NXPE2: variants seen among roughly 807,000 people sequenced by gnomAD.
NXPE2 encodes the protein NXPE family member 2.
A neutral mutation model predicts 34.4 loss-of-function variants in NXPE2; 34 were observed. The observed-to-expected ratio is 0.99, with a 90% CI of 0.75 to 1.31. The LOEUF (loss-of-function observed/expected upper bound fraction) is 1.31. Ranked by LOEUF, NXPE2 falls within the 40% of genes most tolerant of loss-of-function variation. NXPE2 has a pLI of 0.00. For synonymous variants in NXPE2, 235 were observed against 231.3 expected (o/e 1.02, Z -0.15); for missense variants, 649 against 672.5 (o/e 0.97, Z 0.39).
At chr11:114,775,670 T>C in the NXPE2 span, among the ~76,000 whole-genome samples, 1 of 152,112 alleles carries the variant, frequency 6.6e-6, no homozygotes, top group Non-Finnish European at 1.5e-5. Context: ...TCCCTTCCTG[T>C]GGGGGTTTTC....
At chr11:114,471,112 A>C in the NXPE2 span, among the ~76,000 whole-genome samples, 1 of 152,172 alleles carries the variant, frequency 6.6e-6, no homozygotes, top group South Asian at 2.1e-4. Flanking sequence ...AACAGTGCCT[A>C]TCTAAGAGAA....
At chr11:114,796,206 A>T in the NXPE2 span, among the ~76,000 whole-genome samples, 1 of 152,160 alleles carries the variant, frequency 6.6e-6, no homozygotes, top group Non-Finnish European at 1.5e-5. Context: ...GATTCAGGGT[A>T]TACATGTAGA....
the NXPE2 span, among the ~76,000 whole-genome samples, chr11:114,807,190 A>T: frequency 6.7e-6 from 1 of 150,232 alleles, no homozygotes; most frequent in Admixed American, 6.6e-5. Flanking sequence ...TCCTGAAGGA[A>T]GCACTAAACA....
the NXPE2 span, among the ~76,000 whole-genome samples, chr11:114,607,491 A>C: frequency 6.6e-6 from 1 of 151,752 alleles, no homozygotes; most frequent in Non-Finnish European, 1.5e-5. Flanking sequence ...GAACACCATT[A>C]CCGGCTGGAT....
At chr11:114,535,173 A>G in the NXPE2 span, among the ~76,000 whole-genome samples, 3 of 152,146 alleles carry the variant, frequency 2.0e-5, no homozygotes, top group Admixed American at 6.5e-5. Flanking sequence ...TTCATATCCA[A>G]CCAAACTAAG....
chr11:114,684,698 T>G (rs891518318), intron 2 of NXPE2, among the ~76,000 whole-genome samples: 1 of 151,934 alleles, frequency 6.6e-6, no homozygotes, highest in Non-Finnish European at 1.5e-5. Context: ...AAAGGGGGAA[T>G]CAGAGGCTCC....
At chr11:114,761,668 G>T in the NXPE2 span, among the ~76,000 whole-genome samples, 4 of 149,270 alleles carry the variant, frequency 2.7e-5, no homozygotes, top group East Asian at 6.0e-4. Flanking sequence ...CCGCCTCCCG[G>T]GTTCACGCCA....
the NXPE2 span, among the ~76,000 whole-genome samples, chr11:114,623,040 G>A: frequency 6.6e-6 from 1 of 152,106 alleles, no homozygotes; most frequent in Non-Finnish European, 1.5e-5. Flanking sequence ...CTGTTACCCG[G>A]TGGATAATAA....
chr11:114,522,265 A>G, the NXPE2 span: 1 of 1,614,062 alleles, frequency 6.2e-7, no homozygotes, highest in Non-Finnish European at 8.5e-7. Flanking sequence ...TGCGAATAAA[A>G]ATGTCAATGG....
At chr11:114,730,117 A>C in the NXPE2 span, among the ~76,000 whole-genome samples, 1 of 152,202 alleles carries the variant, frequency 6.6e-6, no homozygotes, top group Admixed American at 6.5e-5. Flanking sequence ...ATTCTTCTGC[A>C]TATGGCTAGC....
chr11:114,493,694 T>A, the NXPE2 span, among the ~76,000 whole-genome samples: 1 of 152,160 alleles, frequency 6.6e-6, no homozygotes, highest in Non-Finnish European at 1.5e-5. Context: ...GTAGTTATTA[T>A]TTTTTATTTG....
At chr11:114,740,417 TGTTCTTCGACATGCAAGTGCAA>T in the NXPE2 span, among the ~76,000 whole-genome samples, 3 of 152,326 alleles carry the variant, frequency 2.0e-5, no homozygotes, top group Non-Finnish European at 4.4e-5. Context: ...GGCAAGTGCA[TGTTCTTCGACATGCAAGTGCAA>T]GTTCTTCGAC....
the NXPE2 span, among the ~76,000 whole-genome samples, chr11:114,604,252 T>G: frequency 2.6e-5 from 4 of 151,812 alleles, no homozygotes; most frequent in African/African-American, 9.7e-5. Context: ...GTGTTGACTC[T>G]TGGGTAACCA....
the NXPE2 span, among the ~76,000 whole-genome samples, chr11:114,661,240 T>A: frequency 2.0e-5 from 3 of 152,160 alleles, no homozygotes; most frequent in Non-Finnish European, 4.4e-5. Context: ...TTTATTTAAA[T>A]CAACAACTTG....
chr11:114,766,300 T>A, the NXPE2 span, among the ~76,000 whole-genome samples: 5 of 152,076 alleles, frequency 3.3e-5, no homozygotes, highest in Admixed American at 1.3e-4. Flanking sequence ...CTGCTATAAA[T>A]CAAAACTTCT....
At chr11:114,658,040 C>T in the NXPE2 span, among the ~76,000 whole-genome samples, 1 of 152,172 alleles carries the variant, frequency 6.6e-6, no homozygotes, top group Non-Finnish European at 1.5e-5. Flanking sequence ...GTCTTCCTAA[C>T]ATAATTTTGT....
chr11:114,495,288 T>A, the NXPE2 span, among the ~76,000 whole-genome samples: 1 of 152,032 alleles, frequency 6.6e-6, no homozygotes, highest in Non-Finnish European at 1.5e-5. Context: ...CAGGCTTACG[T>A]CCTTCCTCAC....
the NXPE2 span, among the ~76,000 whole-genome samples, chr11:114,732,951 A>G: frequency 2.0e-5 from 3 of 152,060 alleles, no homozygotes; most frequent in Non-Finnish European, 4.4e-5. Context: ...AATTCACATG[A>G]TATTCCATTA....
the NXPE2 span, among the ~76,000 whole-genome samples, chr11:114,542,553 T>TA: frequency 2.9e-4 from 44 of 152,122 alleles, no homozygotes; most frequent in Non-Finnish European, 2.5e-4. Context: ...AGTACAACTA[T>TA]AAAAAATTGG....
Sources: allele counts gnomAD v4.1 joint callset (sites outside exome capture counted in the v4.1 genomes callset), GRCh38; gene constraint gnomAD v4.1.1; transcripts MANE v1.5; gene names NCBI Gene and HGNC (gene_info 2026-07-23, HGNC 2026-07-21).